The following DHRS9 variants were observed in gnomAD, a reference collection of about 807,000 sequenced individuals.
The protein encoded by DHRS9 is dehydrogenase/reductase SDR family member 9.
In DHRS9, 18 loss-of-function variants were observed where a neutral mutation model predicts 26.6. The ratio of observed to expected loss-of-function variants is 0.68; its 90% confidence interval spans 0.47 to 1.00. The LOEUF is 1.00. DHRS9 is among the 50% of genes least tolerant of loss of function. The probability of loss-of-function intolerance (pLI) is 0.00; values close to 1 mark genes in which losing one functional copy is unlikely to be tolerated. For missense variants in DHRS9, 425 were observed against 378.7 expected (o/e 1.12, Z -1.01); for synonymous variants, 134 against 141.1 (o/e 0.95, Z 0.36).
At chr2:169,075,045 G>T (rs1057282296) in intron 1 of DHRS9, among the ~76,000 whole-genome samples, 2 of 152,250 alleles carry the variant, frequency 1.3e-5, no homozygotes, top group Non-Finnish European at 2.9e-5. Flanking sequence ...TTGAGCTTTC[G>T]TTCTTCTTTG....
chr2:169,081,463 C>G (rs1250811673), intron 1 of DHRS9, 60 bp from the exon 2 acceptor site: 1 of 1,480,338 alleles, frequency 6.8e-7, no homozygotes, highest in Non-Finnish European at 8.9e-7. Context: ...TTCATCAGTC[C>G]TGGGTTATAA....
chr2:169,078,840 T>TTTTTTTTTTTTTTTTG (rs1553478929), intron 1 of DHRS9, among the ~76,000 whole-genome samples: 26 of 137,356 alleles, frequency 1.9e-4, no homozygotes, highest in African/African-American at 7.7e-4. Context: ...TTTTTTTTTT[T>TTTTTTTTTTTTTTTTG]TGTGACAGAG....
chr2:169,076,431 G>C (rs1683964328), intron 1 of DHRS9, among the ~76,000 whole-genome samples: 1 of 152,226 alleles, frequency 6.6e-6, no homozygotes, highest in South Asian at 2.1e-4. Flanking sequence ...ACAATGTTTA[G>C]AAATTGGTTT....
chr2:169,084,923 G>A (rs1444604408), intron 3 of DHRS9, among the ~76,000 whole-genome samples: 2 of 152,236 alleles, frequency 1.3e-5, no homozygotes, highest in East Asian at 3.9e-4. Flanking sequence ...TTGTCCTGGA[G>A]AGTTACTCCA....
At chr2:169,087,696 C>T (rs960781184) in intron 3 of DHRS9, among the ~76,000 whole-genome samples, 6 of 152,104 alleles carry the variant, frequency 3.9e-5, no homozygotes, top group Admixed American at 6.5e-5. Flanking sequence ...GCTCTTTAGT[C>T]AGCAGGTAAT....
At chr2:169,083,770 T>C (rs1002457828) in intron 3 of DHRS9, among the ~76,000 whole-genome samples, 183 bp downstream of exon 3, 9 of 152,178 alleles carry the variant, frequency 5.9e-5, no homozygotes, top group Admixed American at 5.9e-4. Flanking sequence ...AAGTATACAA[T>C]GCATAGTAAT....
Position 169,074,187 on chromosome 2 carries a change from G to A in DHRS9, c.-60+4470G>A, listed in dbSNP as rs1249918150. The A allele has an allele frequency of 1.0e-5, 8 of 784,824 alleles. No individual in the cohort carries two copies. The African/African-American group carries it at 1.5e-4, about 15-fold the overall frequency. 48.6% of individuals were successfully genotyped at this position (784,824 alleles called of 1,614,324 possible). A position where few individuals can be genotyped will look rare whatever the true frequency, so the allele number is the denominator to read the frequency against. ...CCATGAAGATAACAAAGTTCTTACT[G>A]TAACGGCAGACATTAGGTCACTTCA... On this transcript the variant is annotated intron_variant, in intron 1 of 4. Transcript: ENST00000674881.
intron 1 of DHRS9, among the ~76,000 whole-genome samples, chr2:169,079,455 T>C (rs576388032): frequency 9.2e-5 from 14 of 152,246 alleles, no homozygotes; most frequent in African/African-American, 3.4e-4. Flanking sequence ...TACTATCTTC[T>C]TTTTTTCTAT....
chr2:169,075,156 G>A (rs1195047327), intron 1 of DHRS9, among the ~76,000 whole-genome samples: 3 of 152,132 alleles, frequency 2.0e-5, no homozygotes, highest in African/African-American at 7.2e-5. Context: ...TTTTGTGCAT[G>A]ACATCCAAAG....
chr2:169,095,810 CGATTTCAA>C lies in DHRS9; in HGVS notation c.*46_*53del. On this transcript the variant is annotated 3_prime_UTR_variant, in exon 5 of 5. Transcript: ENST00000674881. ...GTCTCCTCCAGGCTATGAAATTGGC[CGATTTCAA>C]GAACACATCTCCTTTTCAACCCCAT... 6.4e-7 allele frequency: 1 copy of C among 1,557,940 alleles called. No homozygotes were observed. The highest frequency in any genetic ancestry group is 2.3e-5 in the East Asian group (1 of 44,388).
At chr2:169,087,190 C>T (rs1230910058) in intron 3 of DHRS9, among the ~76,000 whole-genome samples, 1 of 152,164 alleles carries the variant, frequency 6.6e-6, no homozygotes, top group Non-Finnish European at 1.5e-5. Context: ...GCATCCAAAC[C>T]ACAATACAAA....
At chr2:169,091,087 T>C (rs1300702924) in intron 3 of DHRS9, among the ~76,000 whole-genome samples, 1 of 152,114 alleles carries the variant, frequency 6.6e-6, no homozygotes, top group Non-Finnish European at 1.5e-5. Context: ...ATTTTCAACT[T>C]ACAATGAGTT....
intron 1 of DHRS9, chr2:169,072,721 T>C: frequency 1.1e-6 from 1 of 928,756 alleles, no homozygotes; most frequent in Non-Finnish European, 1.3e-6. Context: ...CCTTTCTTGG[T>C]TTCTTTTGAA....
chr2:169,069,997 A>G, intron 1 of DHRS9: 1 of 792,250 alleles, frequency 1.3e-6, no homozygotes, highest in Non-Finnish European at 1.5e-6. Context: ...TTCATATTTT[A>G]TTTTCTCTGT....
chr2:169,089,671 C>T (rs1337989094), intron 3 of DHRS9, among the ~76,000 whole-genome samples: 1 of 152,208 alleles, frequency 6.6e-6, no homozygotes, highest in African/African-American at 2.4e-5. Context: ...AAAGATAGAG[C>T]AACTTCATTT....
intron 3 of DHRS9, among the ~76,000 whole-genome samples, chr2:169,090,070 A>T (rs1386462558): frequency 6.6e-6 from 1 of 152,246 alleles, no homozygotes; most frequent in Admixed American, 6.5e-5. Context: ...CATGCCTAAT[A>T]GTAATCAATA....
intron 1 of DHRS9, among the ~76,000 whole-genome samples, chr2:169,075,529 C>G (rs375518728): frequency 7.2e-5 from 11 of 152,074 alleles, no homozygotes; most frequent in African/African-American, 2.7e-4. Context: ...AATATTAATG[C>G]AATACTATTT....
chr2:169,079,896 AGGGAGG>A (rs1188623794), intron 1 of DHRS9, among the ~76,000 whole-genome samples: 4 of 69,992 alleles, frequency 5.7e-5, no homozygotes, highest in African/African-American at 2.6e-4. Context: ...AGAGAGAGAG[AGGGAGG>A]GAGGGAGGGA....
At position 169,091,789 on chromosome 2, in the gene DHRS9, G is replaced by A; in HGVS notation, c.573-1G>A. On this transcript the variant is annotated splice_acceptor_variant, in intron 3 of 4. Coordinates refer to ENST00000674881, the MANE Select transcript of DHRS9 (RefSeq NM_001376924.1). LOFTEE classifies it high-confidence loss of function. ...ACATCTTCAATGGGTTCTTTTCACAGACGGGACATGAAAGCTTTTGGTGTG... is the reference window on the plus strand; with the variant it reads ...ACATCTTCAATGGGTTCTTTTCACAAACGGGACATGAAAGCTTTTGGTGTG... 1 of 1,605,162 alleles carries A rather than the reference G, an allele frequency of 6.2e-7. No homozygotes were observed. The highest frequency in any genetic ancestry group is 8.5e-7 in the Non-Finnish European group (1 of 1,174,328).
Sources: allele counts gnomAD v4.1 joint callset (sites outside exome capture counted in the v4.1 genomes callset), GRCh38; gene constraint gnomAD v4.1.1; transcripts MANE v1.5; gene names NCBI Gene and HGNC (gene_info 2026-07-23, HGNC 2026-07-21).